Variants in SLC39A12 observed in about 807,000 individuals in gnomAD.
SLC39A12 encodes zinc transporter ZIP12.
SLC39A12 carries 63 observed loss-of-function variants against 71.1 expected under a neutral mutation model. That is an observed-to-expected ratio of 0.89 (90% confidence interval 0.72 to 1.09). SLC39A12 has a LOEUF of 1.09. Ranked by LOEUF, SLC39A12 falls within the 50% of genes least tolerant of loss-of-function variation. The pLI is 0.00. For missense variants in SLC39A12, 892 were observed against 812.6 expected (o/e 1.10, Z -1.19); for synonymous variants, 351 against 301.3 (o/e 1.16, Z -1.71).
chr10:17,967,587 A>G (rs1834859307), intron 4 of SLC39A12, among the ~76,000 whole-genome samples: 1 of 152,108 alleles, frequency 6.6e-6, no homozygotes, highest in South Asian at 2.1e-4. Flanking sequence ...TGCTTTTAAA[A>G]ATATTTATTT....
chr10:17,966,310 G>T (rs1021876973), intron 4 of SLC39A12, among the ~76,000 whole-genome samples: 2 of 152,012 alleles, frequency 1.3e-5, no homozygotes, highest in African/African-American at 4.8e-5. Flanking sequence ...ATGGATTTTT[G>T]TTGTTGTTGT....
intron 12 of SLC39A12, among the ~76,000 whole-genome samples, chr10:18,004,811 C>T (rs1359008787): frequency 6.6e-6 from 1 of 152,108 alleles, no homozygotes; most frequent in East Asian, 1.9e-4. Context: ...ATAGCAAAGA[C>T]ATGGAATCAA....
At chr10:17,967,201 A>G (rs951802567) in intron 4 of SLC39A12, among the ~76,000 whole-genome samples, 1 of 152,084 alleles carries the variant, frequency 6.6e-6, no homozygotes, top group Non-Finnish European at 1.5e-5. Context: ...AGTCCTAGTC[A>G]TCTATCACGC....
intron 12 of SLC39A12, among the ~76,000 whole-genome samples, chr10:18,022,726 G>A (rs374977934): frequency 6.6e-6 from 1 of 152,088 alleles, no homozygotes; most frequent in Admixed American, 6.5e-5. Flanking sequence ...GAGTTGCCAG[G>A]GTTCTTGTGC....
Position 17,993,296 on chromosome 10 carries a change from G to T in SLC39A12, c.1533+5G>T, listed in dbSNP as rs747006185. On this transcript the variant is annotated splice_donor_5th_base_variant and intron_variant, in intron 9 of 12. Transcript: ENST00000377369. ...TCTGCTTCAACTATCCAGTTGGTAGGTTCCTGATCTGAAGCATTCTACTGA... is the reference window on the plus strand; with the variant it reads ...TCTGCTTCAACTATCCAGTTGGTAGTTTCCTGATCTGAAGCATTCTACTGA... The T allele has an allele frequency of 2.6e-6, 4 of 1,534,184 alleles. No individual in the cohort carries two copies. Among genetic ancestry groups the T allele is most frequent in the Non-Finnish European group, 3.5e-6 (4 of 1,131,148 alleles).
At chr10:18,023,635 A>G (rs746658447) in intron 12 of SLC39A12, among the ~76,000 whole-genome samples, 3 of 152,052 alleles carry the variant, frequency 2.0e-5, no homozygotes, top group Non-Finnish European at 2.9e-5. Context: ...GCTCACAGGG[A>G]AGAGAGACTG....
At chr10:17,991,369 C>A in intron 8 of SLC39A12, 66 bp downstream of exon 8, 1 of 1,341,426 alleles carries the variant, frequency 7.5e-7, no homozygotes, top group Non-Finnish European at 1.0e-6. Context: ...TGTTCCTTCA[C>A]AAGTACTTGT....
At chr10:17,980,344 A>T (rs1835221051) in intron 5 of SLC39A12, among the ~76,000 whole-genome samples, 1 of 152,124 alleles carries the variant, frequency 6.6e-6, no homozygotes, top group African/African-American at 2.4e-5. Context: ...CATTAAAAAA[A>T]ATCTCTATAC....
At chr10:18,031,168 T>A (rs1436071844) in intron 12 of SLC39A12, among the ~76,000 whole-genome samples, 1 of 146,342 alleles carries the variant, frequency 6.8e-6, no homozygotes, top group African/African-American at 2.5e-5. Context: ...TACCCAGTAA[T>A]GGGATGGCTG....
intron 10 of SLC39A12, among the ~76,000 whole-genome samples, chr10:17,998,936 T>G (rs1835756884): frequency 6.6e-6 from 1 of 151,382 alleles, no homozygotes. Context: ...TGAGCACAAT[T>G]ATTAGAATTA....
chr10:18,039,019 C>CAAAATAATCAAATAG (rs1247085265), intron 12 of SLC39A12, among the ~76,000 whole-genome samples: 2 of 152,164 alleles, frequency 1.3e-5, no homozygotes. Flanking sequence ...TAATAGTCCA[C>CAAAATAATCAAATAG]TCAAAATAAT....
intron 2 of SLC39A12, among the ~76,000 whole-genome samples, chr10:17,956,701 T>C (rs569785787): frequency 6.6e-6 from 1 of 152,340 alleles, no homozygotes; most frequent in Admixed American, 6.5e-5. Flanking sequence ...CAGGCAATTC[T>C]TAGACACATT....
chr10:18,030,778 C>T (rs964198933), intron 12 of SLC39A12, among the ~76,000 whole-genome samples: 2 of 139,300 alleles, frequency 1.4e-5, no homozygotes, highest in Non-Finnish European at 3.1e-5. Flanking sequence ...TCTCCCAATG[C>T]TATCCCTCCC....
intron 3 of SLC39A12, among the ~76,000 whole-genome samples, chr10:17,962,325 T>C (rs1259311573): frequency 1.3e-5 from 2 of 152,224 alleles, no homozygotes; most frequent in Non-Finnish European, 2.9e-5. Context: ...GCATTACTCA[T>C]GGTTGCCAGC....
chr10:17,957,440 G>C (rs553028217), intron 2 of SLC39A12, among the ~76,000 whole-genome samples: 1 of 152,176 alleles, frequency 6.6e-6, no homozygotes, highest in South Asian at 2.1e-4. Flanking sequence ...GAATTTATGA[G>C]ATTCCCCCCG....
intron 12 of SLC39A12, among the ~76,000 whole-genome samples, chr10:18,018,200 A>C (rs1370574165): frequency 6.6e-6 from 1 of 152,242 alleles, no homozygotes; most frequent in Non-Finnish European, 1.5e-5. Flanking sequence ...GATGATATAG[A>C]GAAAGGCAGT....
chr10:17,998,369 G>A (rs1053375568), intron 10 of SLC39A12, among the ~76,000 whole-genome samples: 1 of 152,166 alleles, frequency 6.6e-6, no homozygotes, highest in Admixed American at 6.6e-5. Flanking sequence ...TAGGCATGTG[G>A]AAATTACAAG....
chr10:17,984,216 C>T (rs996346815), intron 6 of SLC39A12, among the ~76,000 whole-genome samples: 4 of 152,172 alleles, frequency 2.6e-5, no homozygotes, highest in Non-Finnish European at 5.9e-5. Flanking sequence ...GACCACAGGT[C>T]AGATATTTTA....
Position 17,978,072 on chromosome 10 carries a change from C to G in SLC39A12, c.922C>G (p.Gln308Glu), listed in dbSNP as rs1339722189. 2 of 1,561,136 alleles carry G rather than the reference C, an allele frequency of 1.3e-6. No individual in the cohort carries two copies. The highest frequency in any genetic ancestry group is 2.4e-5 in the East Asian group (1 of 42,288). The change falls in exon 5 of 13, where the codon CAG becomes GAG. Residue 308 changes from glutamine (Q) to glutamate (E), a missense_variant and splice_region_variant. By Grantham distance (29) the Gln-to-Glu change is conservative. Transcript: ENST00000377369. Reference sequence around the variant, plus strand: ...TGAGGATGGTCCAGTTTCCTGGGATCAGGTATTGCCATTGTTTCTCTTATT... The same window carrying G: ...TGAGGATGGTCCAGTTTCCTGGGATGAGGTATTGCCATTGTTTCTCTTATT... ...ESEDGPVSWD[Q>E]TCFSARQLVE... is the part of the protein sequence containing the mutation.
Sources: allele counts gnomAD v4.1 joint callset (sites outside exome capture counted in the v4.1 genomes callset), GRCh38; gene constraint gnomAD v4.1.1; transcripts MANE v1.5; gene names NCBI Gene and HGNC (gene_info 2026-07-23, HGNC 2026-07-21).